Variants in CD96 observed in about 807,000 individuals in gnomAD.
CD96 encodes T-cell surface protein tactile.
A neutral mutation model predicts 71.3 loss-of-function variants in CD96; 70 were observed. The observed-to-expected ratio is 0.98, with a 90% CI of 0.81 to 1.20. The LOEUF is 1.20. CD96 is among the 50% of genes most tolerant of loss of function. The pLI, the probability that CD96 is intolerant of heterozygous loss-of-function variation, is 0.00. For missense variants in CD96, 742 were observed against 677.5 expected (o/e 1.10, Z -1.06); for synonymous variants, 248 against 233.0 (o/e 1.06, Z -0.59).
chr3:111,649,504 C>T (rs910852121), intron 13 of CD96, among the ~76,000 whole-genome samples, 194 bp from the exon 14 acceptor site: 4 of 152,062 alleles, frequency 2.6e-5, no homozygotes, highest in South Asian at 2.1e-4. Flanking sequence ...TACAAAATAC[C>T]GTATAGATCA....
chr3:111,579,221 A>G lies in CD96; in HGVS notation c.738A>G (p.Thr246=), dbSNP rs767443300. The change falls in exon 4 of 14, where the codon ACA becomes ACG. Residue 246 remains threonine (T), a synonymous_variant. Coordinates refer to ENST00000352690, the MANE Select transcript of CD96 (RefSeq NM_005816.5). ...ACAAAATCTTGAGGAGCTCCACCAC[A>G]GTCAAGGTTTTTGGTAAGGGCTTTT... ...GPNKILRSST[T]VKVFAKPEIP... is the part of the protein sequence containing the mutation. 2 of 1,590,434 alleles carry G rather than the reference A, an allele frequency of 1.3e-6. No homozygotes were observed. The highest frequency in any genetic ancestry group is 1.7e-6 in the Non-Finnish European group (2 of 1,158,304).
intron 14 of CD96, among the ~76,000 whole-genome samples, chr3:111,660,116 G>GA (rs1224713013): frequency 6.6e-6 from 1 of 152,214 alleles, no homozygotes; most frequent in Non-Finnish European, 1.5e-5. Context: ...ACTCTGTATA[G>GA]AAAATCCTAA....
chr3:111,626,431 T>G (rs1218621977), intron 10 of CD96, among the ~76,000 whole-genome samples: 3 of 152,160 alleles, frequency 2.0e-5, no homozygotes, highest in African/African-American at 4.8e-5. Context: ...AATCTGATAT[T>G]GCCAACTATT....
intron 5 of CD96, among the ~76,000 whole-genome samples, chr3:111,586,396 A>G (rs1353822334): frequency 1.3e-5 from 2 of 152,214 alleles, no homozygotes; most frequent in Admixed American, 6.5e-5. Flanking sequence ...CATACAAATC[A>G]TAGCTTAGAT....
intron 14 of CD96, among the ~76,000 whole-genome samples, chr3:111,660,229 G>A (rs1021414284): frequency 7.9e-5 from 12 of 152,244 alleles, no homozygotes; most frequent in Admixed American, 3.9e-4. Flanking sequence ...AAACATCCAG[G>A]CTGCGAGTGA....
At chr3:111,615,856 T>C (rs1286287854) in intron 8 of CD96, among the ~76,000 whole-genome samples, 2 of 152,186 alleles carry the variant, frequency 1.3e-5, no homozygotes, top group Non-Finnish European at 2.9e-5. Flanking sequence ...TCTCTTGCTT[T>C]GCTCAGCCAA....
intron 5 of CD96, among the ~76,000 whole-genome samples, chr3:111,590,036 C>A (rs1417455067): frequency 6.6e-6 from 1 of 152,206 alleles, no homozygotes; most frequent in Non-Finnish European, 1.5e-5. Context: ...CTTCCCTACC[C>A]ACTATTTATC....
At position 111,600,903 on chromosome 3, in the gene CD96, C is replaced by A; in HGVS notation, c.1076C>A (p.Thr359Asn). 6.2e-7 allele frequency: 1 copy of A among 1,607,280 alleles called. No homozygotes were observed. Among genetic ancestry groups the A allele is most frequent in the Non-Finnish European group, 8.5e-7 (1 of 1,173,986 alleles). The change falls in exon 7 of 14, where the codon ACT becomes AAT. Residue 359 changes from threonine to asparagine, a missense_variant. By Grantham distance (65) the Thr-to-Asn change is moderately conservative (BLOSUM62 0). Transcript: ENST00000352690. ...TGGAACATCTCATCAGAAAAGATCA[C>A]TTTTCTCTTAGGTGAGTTGTCTATT... is the stretch of plus-strand genomic sequence containing the variant. ...KVWNISSEKITFLLGSEISST... is the reference protein window; with the variant it reads ...KVWNISSEKINFLLGSEISST...
At chr3:111,617,577 C>G (rs1250740367) in intron 8 of CD96, among the ~76,000 whole-genome samples, 1 of 152,190 alleles carries the variant, frequency 6.6e-6, no homozygotes, top group Non-Finnish European at 1.5e-5. Flanking sequence ...CACTACAGGT[C>G]TCCTCTCCAC....
At chr3:111,638,733 T>C (rs977289704) in intron 12 of CD96, among the ~76,000 whole-genome samples, 6 of 152,194 alleles carry the variant, frequency 3.9e-5, no homozygotes, top group Non-Finnish European at 7.4e-5. Flanking sequence ...ACTTGACTAG[T>C]GAATGCCACA....
At chr3:111,652,994 C>T (rs1576439714), downstream of CD96, among the ~76,000 whole-genome samples, 2 of 152,028 alleles carry the variant, frequency 1.3e-5, no homozygotes, top group African/African-American at 4.8e-5. Flanking sequence ...TTCCAAAGCA[C>T]TATGTGTTAG....
chr3:111,630,322 G>C (rs912952747), intron 10 of CD96, among the ~76,000 whole-genome samples: 1 of 151,772 alleles, frequency 6.6e-6, no homozygotes, highest in African/African-American at 2.4e-5. Context: ...ATTATAAGAG[G>C]GATATTACCA....
At chr3:111,638,000 C>T (rs1469346260) in intron 11 of CD96, 79 bp from the exon 12 acceptor site, 5 of 827,792 alleles carry the variant, frequency 6.0e-6, no homozygotes, top group Non-Finnish European at 1.1e-5. Flanking sequence ...TTTCAAATAA[C>T]ATATGAAACC....
Position 111,650,730 on chromosome 3 carries a change from A to C in CD96, c.*924A>C, listed in dbSNP as rs112962020. On this transcript the variant is annotated 3_prime_UTR_variant, in exon 14 of 14. Transcript: ENST00000352690. The stretch of plus-strand genomic sequence containing the variant: ...CCTCAAATCAGACCAGCACTGATTA[A>C]TTAACCCTGCTCCTACCAATCTTTT... The C allele has an allele frequency of 1.3e-4, 20 of 152,358 alleles. No individual in the cohort carries two copies. The highest frequency in any genetic ancestry group is 4.8e-4 in the African/African-American group (20 of 41,596). 9.4% of individuals were successfully genotyped at this position (152,358 alleles called of 1,614,324 possible). A position where few individuals can be genotyped will look rare whatever the true frequency, so the allele number is the denominator to read the frequency against.
intron 8 of CD96, among the ~76,000 whole-genome samples, chr3:111,615,523 C>CCA (rs1414174341): frequency 6.6e-6 from 1 of 152,166 alleles, no homozygotes; most frequent in African/African-American, 2.4e-5. Flanking sequence ...TTTGGAAATA[C>CCA]AGTAAGAACC....
chr3:111,568,962 G>A (rs1001831706), intron 3 of CD96, among the ~76,000 whole-genome samples: 2 of 152,126 alleles, frequency 1.3e-5, no homozygotes, highest in African/African-American at 4.8e-5. Flanking sequence ...TACAGAATAT[G>A]ATTACTGTAT....
At chr3:111,552,616 C>G (rs1934773724) in intron 2 of CD96, among the ~76,000 whole-genome samples, 1 of 152,040 alleles carries the variant, frequency 6.6e-6, no homozygotes. Flanking sequence ...AAAAGCATCA[C>G]AGAGAATATG....
chr3:111,633,527 AC>A (rs1939176265), intron 10 of CD96: 2 of 152,326 alleles, frequency 1.3e-5, no homozygotes, highest in South Asian at 2.1e-4. Context: ...AATAAAAAAA[AC>A]AAATGCAGTA....
chr3:111,560,682 G>A, intron 2 of CD96, among the ~76,000 whole-genome samples: 1 of 49,446 alleles, frequency 2.0e-5, no homozygotes, highest in East Asian at 4.3e-4. Flanking sequence ...TGACAATTAT[G>A]TGTCTTGGAG....
Sources: gnomAD v4.1 joint callset for allele counts (sites outside exome capture counted in the v4.1 genomes callset) on GRCh38, gnomAD v4.1.1 for gene constraint, MANE v1.5 for transcripts, NCBI Gene and HGNC (gene_info 2026-07-23, HGNC 2026-07-21) for gene names.